The following TMEM255B variants were observed in gnomAD, a reference collection of about 807,000 sequenced individuals.
TMEM255B encodes the protein transmembrane protein 255B.
TMEM255B carries 35 observed loss-of-function variants against 34.5 expected under a neutral mutation model. That is an observed-to-expected ratio of 1.01 (90% CI 0.77 to 1.34). The LOEUF is 1.34. Among genes scored for constraint, TMEM255B ranks in the 40% most tolerant of loss-of-function variants. The pLI, the probability that TMEM255B is intolerant of heterozygous loss-of-function variation, is 0.00. For synonymous variants in TMEM255B, 206 were observed against 201.2 expected, an observed-to-expected ratio of 1.02 and a Z score of -0.20; for missense variants, 432 against 433.2, an observed-to-expected ratio of 1.00 and a Z score of 0.02.
intron 3 of TMEM255B, among the ~76,000 whole-genome samples, chr13:113,771,435 A>T (rs931864902): frequency 4.6e-5 from 7 of 152,114 alleles, no homozygotes; most frequent in Admixed American, 2.6e-4. Context: ...TAATCCTAGC[A>T]CTTTGGGAGG....
chr13:113,799,124 C>A (rs2050995561), intron 4 of TMEM255B, among the ~76,000 whole-genome samples: 2 of 152,240 alleles, frequency 1.3e-5, no homozygotes, highest in Non-Finnish European at 2.9e-5. Flanking sequence ...TCCCATGGGG[C>A]TTTCTGCTGT....
At chr13:113,765,195 A>C (rs1304430142) in intron 1 of TMEM255B, among the ~76,000 whole-genome samples, 1 of 152,226 alleles carries the variant, frequency 6.6e-6, no homozygotes, top group Non-Finnish European at 1.5e-5. Flanking sequence ...GCCGTGACCA[A>C]GGCCACGCCC....
chr13:113,789,418 C>T (rs2050792324), intron 3 of TMEM255B, among the ~76,000 whole-genome samples: 1 of 152,200 alleles, frequency 6.6e-6, no homozygotes, highest in South Asian at 2.1e-4. Flanking sequence ...CTGGTTCCTG[C>T]TATGCACGTT....
chr13:113,782,207 T>C (rs1162939809), intron 3 of TMEM255B, among the ~76,000 whole-genome samples: 1 of 152,220 alleles, frequency 6.6e-6, no homozygotes, highest in Non-Finnish European at 1.5e-5. Flanking sequence ...TTTTACCTTG[T>C]TTTATATAAA....
intron 4 of TMEM255B, 83 bp from the exon 5 acceptor site, chr13:113,799,256 G>C (rs1594157113): frequency 7.3e-7 from 1 of 1,367,652 alleles, no homozygotes; most frequent in East Asian, 2.4e-5. Flanking sequence ...CTGAGCCTGA[G>C]ACCCACAGGC....
chr13:113,803,657 G>GC (rs2051107132), intron 7 of TMEM255B, among the ~76,000 whole-genome samples: 1 of 118,390 alleles, frequency 8.4e-6, no homozygotes, highest in African/African-American at 2.9e-5. Context: ...CTCCCTCACG[G>GC]AGCACGACCC....
intron 3 of TMEM255B, among the ~76,000 whole-genome samples, chr13:113,791,817 A>C (rs1289042786): frequency 6.6e-6 from 1 of 152,196 alleles, no homozygotes; most frequent in African/African-American, 2.4e-5. Context: ...GGGAGTTCTT[A>C]AGGAGCGTGT....
chr13:113,801,393 G>C (rs1015615326), intron 6 of TMEM255B, among the ~76,000 whole-genome samples: 1 of 152,236 alleles, frequency 6.6e-6, no homozygotes, highest in African/African-American at 2.4e-5. Flanking sequence ...CGTCCTGCCA[G>C]GCCATCGAGG....
At chr13:113,810,239 C>A (rs2051273484) in intron 8 of TMEM255B, among the ~76,000 whole-genome samples, 1 of 152,148 alleles carries the variant, frequency 6.6e-6, no homozygotes, top group Non-Finnish European at 1.5e-5. Flanking sequence ...CAGAGCACAT[C>A]TGGTAGCTTG....
intron 3 of TMEM255B, among the ~76,000 whole-genome samples, chr13:113,785,792 G>A (rs1434280143): frequency 6.6e-6 from 1 of 152,176 alleles, no homozygotes; most frequent in Non-Finnish European, 1.5e-5. Flanking sequence ...TGATAGGGTT[G>A]CCCTCAGGGG....
Position 113,810,428 on chromosome 13 carries a change from G to A in TMEM255B, c.814-1308G>A, listed in dbSNP as rs149731594. Among the ~76,000 whole-genome samples the A allele has an allele frequency of 3.9e-5, 6 of 152,302 alleles. No homozygotes were observed. The East Asian group carries it at 5.8e-4, about 15-fold the overall frequency. On this transcript the variant is annotated intron_variant, in intron 8 of 8. Transcript: ENST00000375353. ...CAATTTAAAATCTGTGCCGTTCTTC[G>A]CTTTTCTGGTCTCAGAATTACTTGG...
intron 1 of TMEM255B, chr13:113,761,080 C>A: frequency 1.5e-6 from 1 of 660,538 alleles, no homozygotes; most frequent in Non-Finnish European, 1.9e-6. Context: ...AAAATCAGGA[C>A]GAAAGAGGAA....
At chr13:113,782,674 GA>G (rs111337635) in intron 3 of TMEM255B, among the ~76,000 whole-genome samples, 18,503 of 150,440 alleles carry the variant, frequency 0.12, 1,750 homozygotes, top group African/African-American at 0.25. Flanking sequence ...GTGATGGTCG[GA>G]GGGGGGGGCT....
intron 3 of TMEM255B, among the ~76,000 whole-genome samples, chr13:113,792,018 C>T (rs2050841414): frequency 1.3e-5 from 2 of 152,202 alleles, no homozygotes; most frequent in Non-Finnish European, 2.9e-5. Flanking sequence ...CTGCGGGAGG[C>T]CCCAGAGCTG....
intron 5 of TMEM255B, chr13:113,799,992 A>T: frequency 1.6e-6 from 2 of 1,253,576 alleles, no homozygotes; most frequent in Non-Finnish European, 2.1e-6. Flanking sequence ...GAGGAGGAGG[A>T]GCTGGAGGCC....
chr13:113,770,037 G>A lies in TMEM255B; in HGVS notation c.252+877G>A, dbSNP rs1277651107. 2.6e-5 allele frequency among the ~76,000 whole-genome samples: 4 copies of A among 152,124 alleles called. No individual in the cohort carries two copies. In the East Asian group the frequency reaches 5.8e-4, roughly 22 times the overall value. On this transcript the variant is annotated intron_variant, in intron 3 of 8. Transcript: ENST00000375353. The surrounding 1 kb of genome is among the most constrained non-coding windows in gnomAD (Gnocchi z 4.6). Reference sequence around the variant, plus strand: ...AGGGAGGGTGAGATGGCTGGGCCGCGGTGTATGCCCTCGGAACCCTGTATG... The same window carrying A: ...AGGGAGGGTGAGATGGCTGGGCCGCAGTGTATGCCCTCGGAACCCTGTATG...
intron 6 of TMEM255B, among the ~76,000 whole-genome samples, 194 bp downstream of exon 6, chr13:113,801,106 C>T (rs1007022998): frequency 2.0e-5 from 3 of 151,786 alleles, no homozygotes; most frequent in Non-Finnish European, 4.4e-5. Context: ...CCTGACATCA[C>T]CCCCCCCACA....
intron 4 of TMEM255B, among the ~76,000 whole-genome samples, chr13:113,797,237 G>T (rs1040531669): frequency 6.6e-6 from 1 of 152,244 alleles, no homozygotes; most frequent in African/African-American, 2.4e-5. Flanking sequence ...CCTGGCCGGG[G>T]CCTCCCAGGG....
chr13:113,790,916 C>T (rs1240316415), intron 3 of TMEM255B, among the ~76,000 whole-genome samples: 1 of 152,242 alleles, frequency 6.6e-6, no homozygotes, highest in Non-Finnish European at 1.5e-5. Flanking sequence ...TTACCTTTCA[C>T]ACTGAAAGAG....
Sources: gnomAD v4.1 joint callset for allele counts (sites outside exome capture counted in the v4.1 genomes callset) on GRCh38, gnomAD v4.1.1 for gene constraint, Gnocchi (gnomAD v3.1) non-coding constraint, MANE v1.5 for transcripts, NCBI Gene and HGNC (gene_info 2026-07-23, HGNC 2026-07-21) for gene names.